The following CPA6 variants were observed in gnomAD, a reference collection of about 807,000 sequenced individuals.
CPA6 encodes carboxypeptidase A6, also known as carboxypeptidase B.
Under a neutral mutation model 63.3 loss-of-function variants are expected in CPA6, and 58 were observed. That is an observed-to-expected ratio of 0.92 (90% CI 0.74 to 1.14). CPA6 has a LOEUF of 1.14. Ranked by LOEUF, CPA6 falls within the 50% of genes most tolerant of loss-of-function variation. The pLI, the probability that CPA6 is intolerant of heterozygous loss-of-function variation, is 0.00. For synonymous variants in CPA6, 185 were observed against 179.0 expected, an observed-to-expected ratio of 1.03 and a Z score of -0.27; for missense variants, 565 against 526.6, an observed-to-expected ratio of 1.07 and a Z score of -0.71.
intron 1 of CPA6, among the ~76,000 whole-genome samples, chr8:67,657,415 T>C (rs1816010981): frequency 6.6e-6 from 1 of 152,140 alleles, no homozygotes; most frequent in South Asian, 2.1e-4. Context: ...CCAACAAATA[T>C]CTGTGTTATA....
At chr8:67,647,061 C>G (rs1815728549) in intron 1 of CPA6, among the ~76,000 whole-genome samples, 2 of 152,100 alleles carry the variant, frequency 1.3e-5, no homozygotes, top group African/African-American at 4.8e-5. Context: ...TAGGGATGAT[C>G]AGTTAGGAGA....
intron 8 of CPA6, among the ~76,000 whole-genome samples, chr8:67,461,696 C>A (rs534609247): frequency 3.4e-4 from 51 of 151,944 alleles, no homozygotes; most frequent in African/African-American, 1.1e-3. Context: ...GGGGGCTGAC[C>A]CCCCCACTTC....
At chr8:67,700,070 A>C (rs1816992631) in intron 1 of CPA6, among the ~76,000 whole-genome samples, 1 of 152,190 alleles carries the variant, frequency 6.6e-6, no homozygotes, top group Admixed American at 6.5e-5. Context: ...GCCTCATATA[A>C]TCGTGAGGTT....
intron 1 of CPA6, among the ~76,000 whole-genome samples, chr8:67,673,370 T>C (rs1356249371): frequency 7.4e-6 from 1 of 134,306 alleles, no homozygotes; most frequent in Non-Finnish European, 1.5e-5. Flanking sequence ...TTATTATTAT[T>C]ATTATTATTA....
intron 6 of CPA6, among the ~76,000 whole-genome samples, chr8:67,499,195 G>T (rs1057080544): frequency 2.6e-5 from 4 of 152,140 alleles, no homozygotes; most frequent in Admixed American, 6.6e-5. Flanking sequence ...TGGCTCTCCG[G>T]GCATGGCATG....
At chr8:67,472,039 C>T (rs1811070480) in intron 8 of CPA6, among the ~76,000 whole-genome samples, 1 of 152,122 alleles carries the variant, frequency 6.6e-6, no homozygotes, top group Admixed American at 6.5e-5. Flanking sequence ...ATTTTGTTAT[C>T]AGTGAAATCA....
chr8:67,483,678 G>A (rs762042710), intron 8 of CPA6, 90 bp downstream of exon 8: 1 of 1,015,938 alleles, frequency 9.8e-7, no homozygotes, highest in South Asian at 1.3e-5. Context: ...AAAAACATGA[G>A]TCTCCCATGA....
At chr8:67,639,343 C>T (rs1815538258) in intron 1 of CPA6, among the ~76,000 whole-genome samples, 1 of 151,600 alleles carries the variant, frequency 6.6e-6, no homozygotes, top group Admixed American at 6.6e-5. Flanking sequence ...TGCTCGGCTC[C>T]CGCTACTGGC....
At chr8:67,685,722 C>A (rs1442878971) in intron 1 of CPA6, among the ~76,000 whole-genome samples, 1 of 152,246 alleles carries the variant, frequency 6.6e-6, no homozygotes, top group East Asian at 1.9e-4. Context: ...TTCTCATAAT[C>A]AACTCTTAGC....
At chr8:67,646,726 A>G (rs1018404674) in intron 1 of CPA6, among the ~76,000 whole-genome samples, 9 of 152,178 alleles carry the variant, frequency 5.9e-5, no homozygotes, top group African/African-American at 2.2e-4. Flanking sequence ...TTTTTGAAAT[A>G]AAACATGGAT....
chr8:67,744,630 G>A (rs1020737766), intron 1 of CPA6, among the ~76,000 whole-genome samples: 1 of 152,082 alleles, frequency 6.6e-6, no homozygotes. Flanking sequence ...CATCTGACCC[G>A]GCATCAGCCA....
At chr8:67,516,779 G>A (rs1295423267) in intron 3 of CPA6, among the ~76,000 whole-genome samples, 3 of 151,904 alleles carry the variant, frequency 2.0e-5, no homozygotes, top group Admixed American at 2.0e-4. Flanking sequence ...TCCTCTGACT[G>A]TCTTCCACTT....
At chr8:67,430,342 G>A (rs1810000014) in intron 9 of CPA6, among the ~76,000 whole-genome samples, 1 of 151,836 alleles carries the variant, frequency 6.6e-6, no homozygotes, top group South Asian at 2.1e-4. Flanking sequence ...ACCACGCCTG[G>A]CTAATTTTTG....
chr8:67,645,427 C>T (rs1020532656), intron 1 of CPA6, among the ~76,000 whole-genome samples: 1 of 152,138 alleles, frequency 6.6e-6, no homozygotes, highest in African/African-American at 2.4e-5. Context: ...GCAACAAATG[C>T]AGGACAGAGC....
intron 1 of CPA6, among the ~76,000 whole-genome samples, chr8:67,668,010 G>A (rs1039476989): frequency 6.6e-6 from 1 of 152,184 alleles, no homozygotes; most frequent in African/African-American, 2.4e-5. Context: ...ATTTGACTTG[G>A]GCTGGTGCTG....
chr8:67,634,181 TTATTATTATTA>T (rs1369218004), intron 1 of CPA6, among the ~76,000 whole-genome samples: 2 of 30,704 alleles, frequency 6.5e-5, no homozygotes, highest in East Asian at 1.9e-3. Flanking sequence ...CTGGATTTAA[TTATTATTATTA>T]TTATTATTAT....
At chr8:67,570,848 A>G (rs951232116) in intron 2 of CPA6, among the ~76,000 whole-genome samples, 1 of 152,204 alleles carries the variant, frequency 6.6e-6, no homozygotes, top group Non-Finnish European at 1.5e-5. Context: ...CTTACCTAGC[A>G]TTAATTACCT....
chr8:67,521,577 G>A (rs1337012910), intron 2 of CPA6, among the ~76,000 whole-genome samples: 1 of 152,184 alleles, frequency 6.6e-6, no homozygotes, highest in African/African-American at 2.4e-5. Context: ...GAAGGGCTGA[G>A]GTTCTTTTGA....
At chr8:67,717,631 G>A (rs771086902) in intron 1 of CPA6, among the ~76,000 whole-genome samples, 1 of 152,188 alleles carries the variant, frequency 6.6e-6, no homozygotes, top group Admixed American at 6.5e-5. Flanking sequence ...CATTGTGGTA[G>A]GCTAGAGAAT....
Sources: allele counts gnomAD v4.1 joint callset (sites outside exome capture counted in the v4.1 genomes callset), GRCh38; gene constraint gnomAD v4.1.1; transcripts MANE v1.5; gene names NCBI Gene and HGNC (gene_info 2026-07-23, HGNC 2026-07-21).